The following CLSTN2 variants were observed in gnomAD, a reference collection of about 807,000 sequenced individuals.
CLSTN2 encodes the protein calsyntenin 2.
Under a neutral mutation model 101.2 loss-of-function variants are expected in CLSTN2, and 48 were observed. The ratio of observed to expected loss-of-function variants is 0.47; its 90% CI spans 0.38 to 0.60. CLSTN2 has a LOEUF of 0.60. CLSTN2 is among the 20% of genes least tolerant of loss of function. CLSTN2 has a pLI of 0.00. For missense variants in CLSTN2, 1,160 were observed against 1,238.2 expected, an observed-to-expected ratio of 0.94 and a Z score of 0.95; for synonymous variants, 481 against 463.6, an observed-to-expected ratio of 1.04 and a Z score of -0.48.
chr3:140,175,079 T>C (rs2010302380), intron 1 of CLSTN2, among the ~76,000 whole-genome samples: 1 of 152,178 alleles, frequency 6.6e-6, no homozygotes, highest in Non-Finnish European at 1.5e-5. Context: ...TTTCCCTTTA[T>C]ACGAGTACAC....
At chr3:140,265,161 C>T (rs1014134299) in intron 2 of CLSTN2, among the ~76,000 whole-genome samples, 1 of 152,142 alleles carries the variant, frequency 6.6e-6, no homozygotes, top group African/African-American at 2.4e-5. Flanking sequence ...GTGGAAGAAC[C>T]AGGAATTGGG....
intron 2 of CLSTN2, among the ~76,000 whole-genome samples, chr3:140,330,836 A>C (rs988190224): frequency 6.6e-6 from 1 of 152,210 alleles, no homozygotes; most frequent in Non-Finnish European, 1.5e-5. Flanking sequence ...CAGTTGTGTA[A>C]GTTGGGCATT....
At chr3:140,191,817 T>G (rs996949665) in intron 2 of CLSTN2, among the ~76,000 whole-genome samples, 4 of 151,976 alleles carry the variant, frequency 2.6e-5, no homozygotes, top group Non-Finnish European at 4.4e-5. Context: ...ATAAATCTTT[T>G]CAAAGAAACA....
intron 4 of CLSTN2, among the ~76,000 whole-genome samples, chr3:140,418,196 C>T (rs892088940): frequency 3.3e-5 from 5 of 151,962 alleles, no homozygotes; most frequent in African/African-American, 1.2e-4. Context: ...TAAAGTGCTT[C>T]CACCTGACAG....
chr3:140,188,884 A>G (rs1206262739), intron 2 of CLSTN2, among the ~76,000 whole-genome samples: 1 of 152,160 alleles, frequency 6.6e-6, no homozygotes, highest in Non-Finnish European at 1.5e-5. Context: ...GAGCATTTCT[A>G]TCACAAGGAT....
chr3:140,498,483 A>G (rs1321511314), intron 8 of CLSTN2, among the ~76,000 whole-genome samples: 2 of 152,220 alleles, frequency 1.3e-5, no homozygotes, highest in African/African-American at 4.8e-5. Context: ...CCTGCCCCAG[A>G]TGGTGCCGAG....
Position 140,562,805 on chromosome 3 carries a change from G to A in CLSTN2, c.2213-6G>A, listed in dbSNP as rs371569980. ...TTCTGATGACAGGTGTGGTCTCTTG[G>A]CACAGGTGTGGGCTCCATGAGCCGC... On this transcript the variant is annotated splice_region_variant and splice_polypyrimidine_tract_variant and intron_variant, in intron 13 of 16. Coordinates refer to ENST00000458420, the MANE Select transcript of CLSTN2 (RefSeq NM_022131.3). 1.5e-5 allele frequency: 25 copies of A among 1,613,378 alleles called. No individual in the cohort carries two copies. The highest frequency in any genetic ancestry group is 2.0e-5 in the Non-Finnish European group (24 of 1,179,908).
chr3:140,238,247 A>C lies in CLSTN2; in HGVS notation c.232+62174A>C, dbSNP rs571834647. Among the ~76,000 whole-genome samples the C allele has an allele frequency of 5.3e-5, 8 of 152,306 alleles. No homozygotes were observed. In the East Asian group the frequency reaches 1.4e-3, roughly 26 times the overall value. On this transcript the variant is annotated intron_variant, in intron 2 of 16. Transcript: ENST00000458420. ...GTGACAGATATTTGTATTGAATAGA[A>C]ATATAATCTGACTTTTCAGTGCTCT...
At chr3:140,168,372 T>G (rs2010164559) in intron 1 of CLSTN2, among the ~76,000 whole-genome samples, 1 of 152,172 alleles carries the variant, frequency 6.6e-6, no homozygotes, top group Non-Finnish European at 1.5e-5. Flanking sequence ...AATCAAATTG[T>G]CTTATTTAAT....
At chr3:140,223,777 C>T (rs947746495) in intron 2 of CLSTN2, among the ~76,000 whole-genome samples, 38 of 152,196 alleles carry the variant, frequency 2.5e-4, no homozygotes, top group African/African-American at 9.2e-4. Context: ...CTGGTCCCCA[C>T]CCTGCAACAT....
chr3:140,092,272 GC>G (rs2008792229), intron 1 of CLSTN2, among the ~76,000 whole-genome samples: 1 of 152,174 alleles, frequency 6.6e-6, no homozygotes, highest in Non-Finnish European at 1.5e-5. Context: ...TTTTGGACAT[GC>G]TGGATAATTC....
intron 11 of CLSTN2, 128 bp downstream of exon 11, chr3:140,556,789 A>G (rs949660312): frequency 2.7e-5 from 23 of 855,516 alleles, no homozygotes; most frequent in South Asian, 2.6e-4. Flanking sequence ...AACTTCTGCT[A>G]TTCCTCTGAG....
chr3:140,337,989 T>TG (rs1430897840), intron 2 of CLSTN2, among the ~76,000 whole-genome samples: 1 of 152,116 alleles, frequency 6.6e-6, no homozygotes. Context: ...GTGATAGAGC[T>TG]GGGGGGAAAC....
intron 2 of CLSTN2, among the ~76,000 whole-genome samples, chr3:140,269,017 A>G (rs1375090870): frequency 1.3e-5 from 2 of 152,196 alleles, no homozygotes; most frequent in East Asian, 1.9e-4. Context: ...GACGTCTTGA[A>G]TAAATCTCCT....
chr3:140,382,165 T>C (rs1267384944), intron 2 of CLSTN2, among the ~76,000 whole-genome samples: 1 of 152,242 alleles, frequency 6.6e-6, no homozygotes, highest in East Asian at 1.9e-4. Context: ...GTTATTTTCC[T>C]GTTTATTTCC....
At chr3:140,348,868 C>T (rs576358218) in intron 2 of CLSTN2, among the ~76,000 whole-genome samples, 1 of 152,212 alleles carries the variant, frequency 6.6e-6, no homozygotes. Context: ...GGCAGTCTCT[C>T]CCCTGTTCTC....
intron 6 of CLSTN2, among the ~76,000 whole-genome samples, chr3:140,455,393 A>G (rs940109671): frequency 6.6e-6 from 1 of 152,254 alleles, no homozygotes; most frequent in Non-Finnish European, 1.5e-5. Context: ...TCATCAATTA[A>G]GAAGTTCAGA....
At chr3:140,309,397 T>G (rs1438929507) in intron 2 of CLSTN2, among the ~76,000 whole-genome samples, 1 of 151,958 alleles carries the variant, frequency 6.6e-6, no homozygotes, top group Non-Finnish European at 1.5e-5. Context: ...GTAAGGCTGG[T>G]GAGAGGTGGG....
At chr3:140,015,082 T>G (rs2007174080) in intron 1 of CLSTN2, among the ~76,000 whole-genome samples, 1 of 152,180 alleles carries the variant, frequency 6.6e-6, no homozygotes, top group South Asian at 2.1e-4. Context: ...CCTTGCTCCG[T>G]GAGTCCCATA....
Sources: allele counts gnomAD v4.1 joint callset (sites outside exome capture counted in the v4.1 genomes callset), GRCh38; gene constraint gnomAD v4.1.1; transcripts MANE v1.5; gene names NCBI Gene and HGNC (gene_info 2026-07-23, HGNC 2026-07-21).